NKAIN1: variants seen among roughly 807,000 people sequenced by gnomAD.
NKAIN1 encodes sodium/potassium transporting ATPase interacting 1.
A neutral mutation model predicts 31.6 loss-of-function variants in NKAIN1; 13 were observed. That is an observed-to-expected ratio of 0.41 (90% CI 0.27 to 0.65). NKAIN1 has a LOEUF of 0.65. Ranked by LOEUF, NKAIN1 falls within the 30% of genes least tolerant of loss-of-function variation. The probability of loss-of-function intolerance (pLI) is 0.30; values close to 1 mark genes in which losing one functional copy is unlikely to be tolerated. For missense variants in NKAIN1, 193 were observed against 262.2 expected (o/e 0.74, Z 1.82); for synonymous variants, 104 against 109.0 (o/e 0.95, Z 0.28).
At chr1:31,232,424 T>TATATATATATATATATAGAG (rs1313157898) in intron 1 of NKAIN1, among the ~76,000 whole-genome samples, 2 of 16,924 alleles carry the variant, frequency 1.2e-4, no homozygotes, top group Non-Finnish European at 2.3e-4. Flanking sequence ...TATATATATA[T>TATATATATATATATATAGAG]AGAGAGAGAG....
chr1:31,234,909 G>A (rs965356299), intron 1 of NKAIN1, among the ~76,000 whole-genome samples: 1 of 152,124 alleles, frequency 6.6e-6, no homozygotes, highest in Non-Finnish European at 1.5e-5. Flanking sequence ...GCGAGCTTGG[G>A]CAAACGTCAC....
intron 1 of NKAIN1, among the ~76,000 whole-genome samples, chr1:31,205,615 T>TTG (rs1645417597): frequency 8.4e-6 from 1 of 118,368 alleles, no homozygotes; most frequent in Non-Finnish European, 1.6e-5. Context: ...CCGGACAAGT[T>TTG]TTTTTTTTTT....
At chr1:31,202,779 C>T (rs1186446278) in intron 1 of NKAIN1, among the ~76,000 whole-genome samples, 4 of 148,204 alleles carry the variant, frequency 2.7e-5, no homozygotes, top group African/African-American at 1.0e-4. Context: ...GAGATTGAGA[C>T]CATCCTGGCC....
chr1:31,215,360 G>A (rs967639752), intron 1 of NKAIN1, among the ~76,000 whole-genome samples: 1 of 152,104 alleles, frequency 6.6e-6, no homozygotes, highest in Admixed American at 6.6e-5. Context: ...CCAGCATCCC[G>A]CTTCTCTTTC....
intron 1 of NKAIN1, among the ~76,000 whole-genome samples, chr1:31,231,744 A>G (rs985341781): frequency 2.0e-5 from 3 of 149,884 alleles, no homozygotes; most frequent in African/African-American, 4.9e-5. Flanking sequence ...GTTAGCCAGG[A>G]TGGTCTCGAT....
At chr1:31,231,126 C>T (rs928467612) in intron 1 of NKAIN1, among the ~76,000 whole-genome samples, 2 of 151,936 alleles carry the variant, frequency 1.3e-5, no homozygotes, top group African/African-American at 4.8e-5. Flanking sequence ...TCAAGTGATC[C>T]ACCCGCCTCG....
At chr1:31,208,500 T>C (rs1645440998) in intron 1 of NKAIN1, among the ~76,000 whole-genome samples, 1 of 152,118 alleles carries the variant, frequency 6.6e-6, no homozygotes. Context: ...CACAGGCCTT[T>C]GCTACCCTAT....
intron 1 of NKAIN1, among the ~76,000 whole-genome samples, chr1:31,222,526 G>A (rs1338462417): frequency 2.0e-5 from 3 of 152,212 alleles, no homozygotes; most frequent in South Asian, 2.1e-4. Flanking sequence ...GTGGTGACCC[G>A]TCACCAGTGG....
intron 1 of NKAIN1, among the ~76,000 whole-genome samples, chr1:31,195,021 G>A (rs887651002): frequency 4.1e-5 from 6 of 146,894 alleles, no homozygotes; most frequent in Admixed American, 2.0e-4. Flanking sequence ...GCCACCCGCC[G>A]CAGCCTCCCA....
intron 1 of NKAIN1, among the ~76,000 whole-genome samples, chr1:31,217,870 A>G (rs1645525206): frequency 6.6e-6 from 1 of 151,972 alleles, no homozygotes; most frequent in Admixed American, 6.6e-5. Context: ...GATGTTCTCT[A>G]GGGACCCTCT....
intron 1 of NKAIN1, among the ~76,000 whole-genome samples, chr1:31,204,047 G>A (rs1486887161): frequency 6.6e-6 from 1 of 152,142 alleles, no homozygotes; most frequent in African/African-American, 2.4e-5. Context: ...TTAGAGCACA[G>A]CACTTTCAGG....
intron 1 of NKAIN1, among the ~76,000 whole-genome samples, chr1:31,204,070 A>C (rs1019682653): frequency 2.6e-5 from 4 of 152,076 alleles, no homozygotes; most frequent in Non-Finnish European, 5.9e-5. Context: ...CAAGTTCCAA[A>C]AGTCCTGGGC....
intron 1 of NKAIN1, among the ~76,000 whole-genome samples, chr1:31,197,151 G>T (rs981869450): frequency 7.6e-6 from 1 of 131,728 alleles, no homozygotes; most frequent in Non-Finnish European, 1.6e-5. Context: ...TCACTCTGCC[G>T]CCCAGGCTGG....
chr1:31,195,808 C>T (rs962246009), intron 1 of NKAIN1, among the ~76,000 whole-genome samples: 4 of 150,698 alleles, frequency 2.7e-5, no homozygotes, highest in South Asian at 2.1e-4. Flanking sequence ...GTCTGTGGTC[C>T]CAGCTACTTG....
chr1:31,232,054 C>T (rs1209145134), intron 1 of NKAIN1, among the ~76,000 whole-genome samples: 1 of 151,276 alleles, frequency 6.6e-6, no homozygotes, highest in Non-Finnish European at 1.5e-5. Flanking sequence ...GCTGGGACTA[C>T]AGGTGCATGC....
intron 1 of NKAIN1, 93 bp from the exon 2 acceptor site, chr1:31,188,280 A>G: frequency 7.2e-7 from 1 of 1,398,032 alleles, no homozygotes; most frequent in Non-Finnish European, 9.7e-7. Context: ...GGCACCAGTT[A>G]CCATGGTGAT....
At chr1:31,193,606 G>A (rs1645302814) in intron 1 of NKAIN1, among the ~76,000 whole-genome samples, 1 of 152,006 alleles carries the variant, frequency 6.6e-6, no homozygotes, top group Non-Finnish European at 1.5e-5. Context: ...TGAGGCAGGA[G>A]AATTACTTGA....
Position 31,187,738 on chromosome 1 carries a change from G to A in NKAIN1, c.192+312C>T, listed in dbSNP as rs143482596. ...GAGCTGTTAAGATCTACCTCACAGG[G>A]CTATTGTAGACATGAGATGAAGCAT... On this transcript the variant is annotated intron_variant, in intron 2 of 6. Coordinates refer to ENST00000373736, the MANE Select transcript of NKAIN1 (RefSeq NM_024522.3). Among the ~76,000 whole-genome samples, 730 of 152,128 alleles carry A rather than the reference G, an allele frequency of 4.8e-3. 4 individuals are homozygous for A. The highest frequency in any genetic ancestry group is 0.016 in the African/African-American group (671 of 41,502).
intron 1 of NKAIN1, among the ~76,000 whole-genome samples, chr1:31,203,404 G>A (rs979091902): frequency 8.8e-5 from 13 of 147,036 alleles, no homozygotes; most frequent in African/African-American, 2.9e-4. Flanking sequence ...TGGGAAGAGG[G>A]CCAAGCTACC....
Sources: allele counts gnomAD v4.1 joint callset (sites outside exome capture counted in the v4.1 genomes callset), GRCh38; gene constraint gnomAD v4.1.1; transcripts MANE v1.5; gene names NCBI Gene and HGNC (gene_info 2026-07-23, HGNC 2026-07-21).